The following NAALADL2 variants were observed in gnomAD, a reference collection of about 807,000 sequenced individuals.
NAALADL2 encodes inactive N-acetylated-alpha-linked acidic dipeptidase-like protein 2.
Under a neutral mutation model 87.2 loss-of-function variants are expected in NAALADL2, and 76 were observed. The observed-to-expected ratio is 0.87, with a 90% CI of 0.72 to 1.05. NAALADL2 has a LOEUF of 1.05. Ranked by LOEUF, NAALADL2 falls within the 50% of genes least tolerant of loss-of-function variation. The probability of loss-of-function intolerance (pLI) is 0.00; values close to 1 mark genes in which losing one functional copy is unlikely to be tolerated. For missense variants in NAALADL2, 1,089 were observed against 945.8 expected, an observed-to-expected ratio of 1.15 and a Z score of -1.99; for synonymous variants, 354 against 331.0, an observed-to-expected ratio of 1.07 and a Z score of -0.75.
At chr3:174,766,137 T>C (rs1713775828) in intron 3 of NAALADL2, among the ~76,000 whole-genome samples, 1 of 152,222 alleles carries the variant, frequency 6.6e-6, no homozygotes, top group Non-Finnish European at 1.5e-5. Flanking sequence ...TGCCTCTTTA[T>C]ACCACCTTTC....
intron 1 of NAALADL2, among the ~76,000 whole-genome samples, chr3:174,453,571 G>T (rs903838343): frequency 3.9e-5 from 6 of 152,190 alleles, no homozygotes; most frequent in Admixed American, 6.5e-5. Flanking sequence ...GGACATTTCT[G>T]TAGAAACCCC....
chr3:174,578,148 G>A (rs1296087375), intron 2 of NAALADL2, among the ~76,000 whole-genome samples: 1 of 151,958 alleles, frequency 6.6e-6, no homozygotes, highest in African/African-American at 2.4e-5. Flanking sequence ...ACAATGCTAT[G>A]AGTCTAGCAT....
At chr3:174,519,832 G>T (rs1720166533) in intron 1 of NAALADL2, among the ~76,000 whole-genome samples, 1 of 151,990 alleles carries the variant, frequency 6.6e-6, no homozygotes, top group Admixed American at 6.6e-5. Flanking sequence ...GCATCAAAAG[G>T]AATATACCTC....
At chr3:174,677,400 G>A (rs1727135877) in intron 2 of NAALADL2, among the ~76,000 whole-genome samples, 2 of 151,768 alleles carry the variant, frequency 1.3e-5, no homozygotes, top group African/African-American at 2.4e-5. Flanking sequence ...GCGAATATAC[G>A]ATTATTGAGT....
intron 1 of NAALADL2, chr3:175,079,189 A>G (rs566601850): frequency 6.6e-6 from 1 of 152,208 alleles, no homozygotes; most frequent in South Asian, 2.1e-4. Context: ...AATGCTATTT[A>G]GTTTCTTTCC....
intron 10 of NAALADL2, among the ~76,000 whole-genome samples, chr3:175,579,640 A>G (rs1227473653): frequency 1.3e-5 from 2 of 152,200 alleles, no homozygotes; most frequent in Non-Finnish European, 2.9e-5. Context: ...CTTCATTTAA[A>G]TAAGGTTTTA....
Position 174,915,027 on chromosome 3 carries a change from T to C in NAALADL2, c.43+55577T>C, listed in dbSNP as rs1158740872. 2.6e-5 allele frequency among the ~76,000 whole-genome samples: 4 copies of C among 152,280 alleles called. No individual in the cohort carries two copies. In the East Asian group the frequency reaches 7.7e-4, roughly 29 times the overall value. ...TATACTACAGTTTAATTCTACAAAG[T>C]CTCTATTCTGGACAGGTTCTAAGAG... is the stretch of plus-strand genomic sequence containing the variant. On this transcript the variant is annotated intron_variant, in intron 1 of 13. Coordinates refer to ENST00000454872, the MANE Select transcript of NAALADL2 (RefSeq NM_207015.3).
chr3:175,532,961 C>A (rs1187005558), intron 9 of NAALADL2, among the ~76,000 whole-genome samples: 1 of 152,192 alleles, frequency 6.6e-6, no homozygotes, highest in Non-Finnish European at 1.5e-5. Context: ...ACTCCATCAT[C>A]CCAATCTCCC....
chr3:175,714,296 G>A (rs1740937771), intron 11 of NAALADL2, among the ~76,000 whole-genome samples: 1 of 152,086 alleles, frequency 6.6e-6, no homozygotes, highest in South Asian at 2.1e-4. Context: ...GATCCTTGAG[G>A]AATCGCCACA....
intron 11 of NAALADL2, among the ~76,000 whole-genome samples, chr3:175,706,290 C>A (rs985891994): frequency 6.6e-6 from 1 of 152,100 alleles, no homozygotes; most frequent in Non-Finnish European, 1.5e-5. Context: ...TAATGAATGC[C>A]AGAAACCATA....
At chr3:174,979,849 T>C (rs953880158) in intron 1 of NAALADL2, among the ~76,000 whole-genome samples, 6 of 152,208 alleles carry the variant, frequency 3.9e-5, no homozygotes, top group African/African-American at 1.2e-4. Context: ...TAAGCAATGT[T>C]CTGCCTTTGA....
intron 2 of NAALADL2, among the ~76,000 whole-genome samples, chr3:174,593,642 C>T (rs1717603788): frequency 6.6e-6 from 1 of 152,134 alleles, no homozygotes; most frequent in Non-Finnish European, 1.5e-5. Context: ...ATACTTTACT[C>T]TCAGATGGTT....
chr3:174,923,324 G>A (rs1735506003), intron 1 of NAALADL2, among the ~76,000 whole-genome samples: 1 of 152,054 alleles, frequency 6.6e-6, no homozygotes, highest in Non-Finnish European at 1.5e-5. Flanking sequence ...ATAGAATTAA[G>A]TACATATCCA....
Position 175,324,299 on chromosome 3 carries a change from C to T in NAALADL2, c.1064C>T (p.Pro355Leu). 2.5e-6 allele frequency: 4 copies of T among 1,612,282 alleles called. No homozygotes were observed. In the South Asian group the frequency reaches 4.4e-5, roughly 18 times the overall value. ...FMVSLNPGGD[P>L]STPGYPSVDE... ...GTGTCACTGAATCCAGGAGGAGACC[C>T]TTCTACGCCTGGTTACCCAAGTGTC... Residue 355 changes from proline to leucine, a missense_variant, in exon 5 of 14, where the codon CCT (proline) becomes CTT (leucine). Transcript: ENST00000454872.
intron 2 of NAALADL2, among the ~76,000 whole-genome samples, chr3:174,656,398 G>A (rs1463273493): frequency 6.6e-6 from 1 of 151,990 alleles, no homozygotes; most frequent in Non-Finnish European, 1.5e-5. Context: ...AACTTCTTTC[G>A]AAAAAACTTC....
intron 3 of NAALADL2, among the ~76,000 whole-genome samples, chr3:175,236,289 G>A (rs1480650043): frequency 2.0e-5 from 3 of 152,084 alleles, no homozygotes; most frequent in South Asian, 2.1e-4. Context: ...TGGGGAGGCC[G>A]TAATCCCAGC....
chr3:174,893,314 C>CG (rs1208716478), intron 1 of NAALADL2, among the ~76,000 whole-genome samples: 1 of 142,632 alleles, frequency 7.0e-6, no homozygotes, highest in East Asian at 2.2e-4. Flanking sequence ...ACTTCAACCC[C>CG]CCCCCGCAAA....
intron 5 of NAALADL2, among the ~76,000 whole-genome samples, chr3:175,412,708 A>G (rs1713757490): frequency 6.6e-6 from 1 of 151,772 alleles, no homozygotes; most frequent in African/African-American, 2.4e-5. Context: ...AAATAAGTAA[A>G]TAAAATAAGA....
At chr3:174,786,217 A>G (rs1719806) in intron 3 of NAALADL2, among the ~76,000 whole-genome samples, 152,050 of 152,196 alleles carry the variant, frequency 1, 75,952 homozygotes, top group South Asian at 1. Flanking sequence ...TTGGTAGGCC[A>G]AGGCGGGCAG....
Sources: gnomAD v4.1 joint callset for allele counts (sites outside exome capture counted in the v4.1 genomes callset) on GRCh38, gnomAD v4.1.1 for gene constraint, MANE v1.5 for transcripts, NCBI Gene and HGNC (gene_info 2026-07-23, HGNC 2026-07-21) for gene names.